Variants in UGT3A2 observed in about 807,000 individuals in gnomAD.
UGT3A2 encodes the protein UDP glycosyltransferase family 3 member A2, also known as UDP-glycosyltransferase 3A2.
A neutral mutation model predicts 39.8 loss-of-function variants in UGT3A2; 32 were observed. The observed-to-expected ratio is 0.80, with a 90% confidence interval of 0.61 to 1.08. UGT3A2 has a LOEUF of 1.08. Ranked by LOEUF, UGT3A2 falls within the 50% of genes least tolerant of loss-of-function variation. UGT3A2 has a pLI of 0.00. For synonymous variants in UGT3A2, 241 were observed against 230.7 expected (o/e 1.04, Z -0.40); for missense variants, 611 against 637.1 (o/e 0.96, Z 0.44).
intron 2 of UGT3A2, among the ~76,000 whole-genome samples, chr5:36,052,593 GT>G (rs1343673855): frequency 6.6e-6 from 1 of 151,920 alleles, no homozygotes; most frequent in Non-Finnish European, 1.5e-5. Flanking sequence ...CCTGGTAGGA[GT>G]TTCAATCCAT....
In UGT3A2 at chr5:36,055,769, A is replaced by G. The variant is rs534998595; in HGVS notation, c.197-3785T>C. On this transcript the variant is annotated intron_variant, in intron 2 of 6. Transcript: ENST00000282507. ...TAAGTAGCAATAATATTTTACTTCT[A>G]TTCCTTTTCCTTTTCATTTCAACCT... Among the ~76,000 whole-genome samples the G allele has an allele frequency of 2.9e-4, 44 of 152,206 alleles. No individual in the cohort carries two copies. The South Asian group carries it at 8.7e-3, about 30-fold the overall frequency.
intron 2 of UGT3A2, among the ~76,000 whole-genome samples, chr5:36,061,883 C>T (rs1742716449): frequency 6.6e-6 from 1 of 151,438 alleles, no homozygotes; most frequent in Admixed American, 6.5e-5. Flanking sequence ...CCTATTTCTC[C>T]ACATCCTCTC....
intron 3 of UGT3A2, among the ~76,000 whole-genome samples, chr5:36,050,856 C>G (rs531219461): frequency 8.1e-6 from 1 of 123,730 alleles, no homozygotes; most frequent in Admixed American, 7.7e-5. Context: ...GAGCAAAACT[C>G]CGTCTCAAAA....
chr5:36,043,700 AAGGATCATTAGAAACAT>A (rs145550235), intron 4 of UGT3A2, among the ~76,000 whole-genome samples: 28,781 of 152,090 alleles, frequency 0.19, 3,401 homozygotes, highest in Non-Finnish European at 0.25. Context: ...CAGAAATTCA[AAGGATCATTAGAAACAT>A]CTGTGAGCAA....
intron 3 of UGT3A2, among the ~76,000 whole-genome samples, chr5:36,051,397 G>A (rs1316903989): frequency 6.6e-6 from 1 of 152,094 alleles, no homozygotes; most frequent in Non-Finnish European, 1.5e-5. Context: ...CAAACCCAAT[G>A]TTCATAAGCC....
At chr5:36,039,769 A>G in intron 4 of UGT3A2, 61 bp from the exon 5 acceptor site, 6 of 1,400,536 alleles carry the variant, frequency 4.3e-6, no homozygotes, top group Non-Finnish European at 6.0e-6. Context: ...CTAGTTGACC[A>G]GAAAATGAAA....
chr5:36,047,020 G>A (rs534553463), intron 4 of UGT3A2, among the ~76,000 whole-genome samples: 1 of 152,264 alleles, frequency 6.6e-6, no homozygotes, highest in Admixed American at 6.5e-5. Flanking sequence ...AGTGTATGTC[G>A]GCTCGCTTCC....
intron 2 of UGT3A2, among the ~76,000 whole-genome samples, chr5:36,056,477 G>A (rs1287263): frequency 1.3e-5 from 2 of 152,164 alleles, no homozygotes; most frequent in South Asian, 2.1e-4. Context: ...TGGTTGCTGC[G>A]CACGTGCAAG....
rs201826596 is a variant in UGT3A2, at chr5:36,048,876, A to G, written c.843+13T>C. 1 of 1,609,880 alleles carries G rather than the reference A, an allele frequency of 6.2e-7. No individual in the cohort carries two copies. Among genetic ancestry groups the G allele is most frequent in the Non-Finnish European group, 8.5e-7 (1 of 1,177,100 alleles). ...TGCGTGAATCCCAAACTGAATGCTG[A>G]GGGTTCACTTACTTGTGGTACTGGT... is the stretch of plus-strand genomic sequence containing the variant. On this transcript the variant is annotated intron_variant, in intron 4 of 6. Coordinates refer to ENST00000282507, the MANE Select transcript of UGT3A2 (RefSeq NM_174914.4).
chr5:36,041,223 AGAGT>A (rs577044909), intron 4 of UGT3A2, among the ~76,000 whole-genome samples: 160 of 152,136 alleles, frequency 1.1e-3, no homozygotes, highest in Middle Eastern at 6.8e-3. Context: ...GGGAGGGAAT[AGAGT>A]AAGTAGATCC....
intron 6 of UGT3A2, among the ~76,000 whole-genome samples, chr5:36,036,618 G>A (rs920479012): frequency 1.3e-5 from 2 of 152,124 alleles, no homozygotes; most frequent in African/African-American, 4.8e-5. Flanking sequence ...AAAATCCAAC[G>A]AAAGCTACAA....
chr5:36,042,625 A>AT (rs1742046634), intron 4 of UGT3A2, among the ~76,000 whole-genome samples: 1 of 152,084 alleles, frequency 6.6e-6, no homozygotes, highest in Non-Finnish European at 1.5e-5. Context: ...GAGACTTAAC[A>AT]TGTTGCCTCC....
chr5:36,049,790 A>G (rs899199146), intron 3 of UGT3A2, among the ~76,000 whole-genome samples: 1 of 152,176 alleles, frequency 6.6e-6, no homozygotes, highest in Non-Finnish European at 1.5e-5. Flanking sequence ...AGTTTTTATG[A>G]GTGATTTTCT....
intron 2 of UGT3A2, among the ~76,000 whole-genome samples, chr5:36,053,973 GGAA>G (rs1263201608): frequency 9.2e-5 from 14 of 152,144 alleles, no homozygotes; most frequent in East Asian, 7.7e-4. Flanking sequence ...GGGCCACATT[GGAA>G]GAAGAAGAAT....
rs200827594 is a variant in UGT3A2, at chr5:36,035,972, T to C, written c.1298A>G (p.Tyr433Cys). The change falls in exon 7 of 7, where the codon TAC (tyrosine) becomes TGC (cysteine). Residue 433 changes from tyrosine to cysteine, a missense_variant and splice_region_variant. Physicochemically the swap from Tyr to Cys is radical, Grantham distance 194. Coordinates refer to ENST00000282507, the MANE Select transcript of UGT3A2 (RefSeq NM_174914.4). ...ACTGGCAGCCACTGCCGCGGACTTG[T>C]ATCTGTTGAGAGAGATAGAGAGGGG... is the stretch of plus-strand genomic sequence containing the variant. ...KMKQIMEDKRYKSAAVAASVI... is the reference protein window; with the variant it reads ...KMKQIMEDKRCKSAAVAASVI... 4 of 1,613,540 alleles carry C rather than the reference T, an allele frequency of 2.5e-6. No individual in the cohort carries two copies. Among genetic ancestry groups the C allele is most frequent in the Non-Finnish European group, 3.4e-6 (4 of 1,179,532 alleles).
At chr5:36,059,714 C>A (rs536106612) in intron 2 of UGT3A2, among the ~76,000 whole-genome samples, 1 of 152,252 alleles carries the variant, frequency 6.6e-6, no homozygotes, top group Non-Finnish European at 1.5e-5. Context: ...GAATGTTTTA[C>A]CCCGCAGCAA....
At chr5:36,064,387 A>G (rs1019858802) in intron 1 of UGT3A2, 37 bp from the exon 2 acceptor site, 1 of 1,555,676 alleles carries the variant, frequency 6.4e-7, no homozygotes, top group African/African-American at 1.4e-5. Flanking sequence ...TGGAATGATG[A>G]GAATACAGTG....
chr5:36,064,490 A>G, intron 1 of UGT3A2, 140 bp from the exon 2 acceptor site: 1 of 768,902 alleles, frequency 1.3e-6, no homozygotes, highest in Non-Finnish European at 2.0e-6. Context: ...CAGTCTCCTC[A>G]TGTCCCTCTG....
chr5:36,059,173 G>C (rs1382951993), intron 2 of UGT3A2, among the ~76,000 whole-genome samples: 3 of 152,014 alleles, frequency 2.0e-5, no homozygotes, highest in East Asian at 1.9e-4. Context: ...AGGTCTGGGA[G>C]CAGAAAAAAC....
Sources: gnomAD v4.1 joint callset for allele counts (sites outside exome capture counted in the v4.1 genomes callset) on GRCh38, gnomAD v4.1.1 for gene constraint, MANE v1.5 for transcripts, NCBI Gene and HGNC (gene_info 2026-07-23, HGNC 2026-07-21) for gene names.